The following PIWIL4 variants were observed in gnomAD, a reference collection of about 807,000 sequenced individuals.
PIWIL4 encodes piwi-like protein 4.
Under a neutral mutation model 100.9 loss-of-function variants are expected in PIWIL4, and 50 were observed. The ratio of observed to expected loss-of-function variants is 0.50; its 90% CI spans 0.39 to 0.63. PIWIL4 has a LOEUF of 0.63. Among genes scored for constraint, PIWIL4 ranks in the 20% least tolerant of loss-of-function variants. The pLI is 0.00. For missense variants in PIWIL4, 887 were observed against 1,043.3 expected (o/e 0.85, Z 2.06); for synonymous variants, 342 against 367.5 (o/e 0.93, Z 0.79).
Position 94,602,127 on chromosome 11 carries a change from G to A in PIWIL4, c.1565+148G>A, listed in dbSNP as rs570432386. 2.3e-4 allele frequency: 157 copies of A among 679,840 alleles called. 1 individual carries two copies. The highest frequency in any genetic ancestry group is 3.4e-4 in the Non-Finnish European group (145 of 420,544). The allele number at this position is 679,840 out of a possible 1,614,324, so 42.1% of individuals were successfully genotyped here. A position where few individuals can be genotyped will look rare whatever the true frequency, so the allele number is the denominator to read the frequency against. On this transcript the variant is annotated intron_variant, in intron 12 of 19. Transcript: ENST00000299001. ...AAGTAGTCATAAGTAGATAGATTTT[G>A]TAATGACTAAACTTTTATAAAGTTA... is the stretch of plus-strand genomic sequence containing the variant.
In PIWIL4 at chr11:94,577,339, C is replaced by T; in HGVS notation, c.360C>T (p.Asp120=). ...TCTTTAACTTAGATTTTCCCCAAGA[C>T]TGGCAGCTATACCAGTACCATGTGA... ...TNLFNLDFPQ[D]WQLYQYHVTY... is the part of the protein sequence containing the mutation. Residue 120 remains aspartate, a synonymous_variant, in exon 4 of 20, where the codon GAC becomes GAT. Transcript: ENST00000299001. 1.2e-6 allele frequency: 2 copies of T among 1,614,074 alleles called. No homozygotes were observed. Among genetic ancestry groups the T allele is most frequent in the Non-Finnish European group, 8.5e-7 (1 of 1,179,956 alleles).
chr11:94,597,765 A>G (rs761355781), intron 10 of PIWIL4, 39 bp from the exon 11 acceptor site: 2 of 1,418,244 alleles, frequency 1.4e-6, no homozygotes, highest in African/African-American at 1.4e-5. Flanking sequence ...AGTTATAATT[A>G]TATCTCTCTT....
intron 8 of PIWIL4, among the ~76,000 whole-genome samples, chr11:94,590,684 C>T (rs918880001): frequency 6.6e-6 from 1 of 152,164 alleles, no homozygotes; most frequent in Admixed American, 6.5e-5. Flanking sequence ...TTGCTTTCTT[C>T]CTCTTCTTCA....
At chr11:94,592,303 C>G (rs551087900) in intron 8 of PIWIL4, among the ~76,000 whole-genome samples, 2 of 152,322 alleles carry the variant, frequency 1.3e-5, no homozygotes, top group African/African-American at 4.8e-5. Context: ...TCTCTTTCAT[C>G]AGTTTGTTGT....
intron 15 of PIWIL4, among the ~76,000 whole-genome samples, chr11:94,611,129 A>G (rs1182062980): frequency 6.6e-6 from 1 of 152,066 alleles, no homozygotes; most frequent in Non-Finnish European, 1.5e-5. Flanking sequence ...CCATTTGCGT[A>G]TGTGTCAGTT....
At position 94,575,133 on chromosome 11, in the gene PIWIL4, A is replaced by G; in HGVS notation, c.298+3A>G. The stretch of plus-strand genomic sequence containing the variant: ...ACATGTGAGAAATTGTAAAACAGGT[A>G]CCCAGTTTTATGTCACTTACTTTTT... On this transcript the variant is annotated splice_donor_region_variant and intron_variant, in intron 3 of 19. Coordinates refer to ENST00000299001, the MANE Select transcript of PIWIL4 (RefSeq NM_152431.3). 1 of 1,612,794 alleles carries G rather than the reference A, an allele frequency of 6.2e-7. No homozygotes were observed. The highest frequency in any genetic ancestry group is 8.5e-7 in the Non-Finnish European group (1 of 1,179,652).
At chr11:94,617,132 T>C (rs1948855933) in intron 16 of PIWIL4, among the ~76,000 whole-genome samples, 1 of 152,210 alleles carries the variant, frequency 6.6e-6, no homozygotes, top group Non-Finnish European at 1.5e-5. Flanking sequence ...CATTTTCCCA[T>C]CTGTAAATTT....
chr11:94,602,263 CAT>C (rs1347700876), intron 12 of PIWIL4, among the ~76,000 whole-genome samples: 1 of 152,062 alleles, frequency 6.6e-6, no homozygotes, highest in Non-Finnish European at 1.5e-5. Flanking sequence ...TTAATAAGTC[CAT>C]ATATTGTCTT....
intron 15 of PIWIL4, among the ~76,000 whole-genome samples, chr11:94,610,687 G>GTA (rs1555036246): frequency 6.6e-6 from 1 of 151,970 alleles, no homozygotes; most frequent in Non-Finnish European, 1.5e-5. Flanking sequence ...CTATTGAATT[G>GTA]TATGGGTTCT....
At chr11:94,613,592 G>A (rs1006247126) in intron 15 of PIWIL4, among the ~76,000 whole-genome samples, 1 of 152,068 alleles carries the variant, frequency 6.6e-6, no homozygotes, top group African/African-American at 2.4e-5. Context: ...GCAAATGTTA[G>A]CCCTCTTTAT....
At chr11:94,617,746 T>C (rs1239545504) in intron 16 of PIWIL4, 6 of 507,782 alleles carry the variant, frequency 1.2e-5, no homozygotes, top group South Asian at 3.5e-5. Flanking sequence ...ATAGAAACCA[T>C]TGTGATTCCT....
intron 2 of PIWIL4, among the ~76,000 whole-genome samples, chr11:94,570,389 A>T (rs1000111310): frequency 2.0e-5 from 3 of 151,688 alleles, no homozygotes; most frequent in African/African-American, 7.3e-5. Context: ...TGTTCACATG[A>T]TCTTTCCTTT....
chr11:94,600,770 CA>C lies in PIWIL4; in HGVS notation c.1381-1024del, dbSNP rs1314864729. ...ACAGACCATAAAAGACAGCCACGCC[CA>C]GGGGGGCCAGTTCAGAGACCTACTC... On this transcript the variant is annotated intron_variant, in intron 11 of 19. Transcript: ENST00000299001. Among the ~76,000 whole-genome samples, 4 of 152,006 alleles carry C rather than the reference CA, an allele frequency of 2.6e-5. No homozygotes were observed. The South Asian group carries it at 6.2e-4, about 24-fold the overall frequency.
intron 11 of PIWIL4, among the ~76,000 whole-genome samples, chr11:94,600,356 A>G (rs1314069022): frequency 6.6e-6 from 1 of 152,168 alleles, no homozygotes; most frequent in African/African-American, 2.4e-5. Flanking sequence ...AGAGTACAAA[A>G]TAGAGAAATT....
Position 94,577,400 on chromosome 11 carries a change from A to T in PIWIL4, c.421A>T (p.Ile141Phe). Residue 141 changes from isoleucine to phenylalanine, a missense_variant, in exon 4 of 20, where the codon ATT (isoleucine) becomes TTT (phenylalanine). By Grantham distance (21) the Ile-to-Phe change is conservative. Transcript: ENST00000299001. ...AGATTTAGCATCTAGAAGGCTGAGA[A>T]TTGCTTTACTTTATAGTCATAGTGA... Reference protein sequence around the residue: ...IPDLASRRLRIALLYSHSELS... With the variant: ...IPDLASRRLRFALLYSHSELS... 1 of 1,614,150 alleles carries T rather than the reference A, an allele frequency of 6.2e-7. No homozygotes were observed. The highest frequency in any genetic ancestry group is 8.5e-7 in the Non-Finnish European group (1 of 1,179,990).
At chr11:94,606,205 A>G (rs1483866531) in intron 13 of PIWIL4, among the ~76,000 whole-genome samples, 1 of 152,132 alleles carries the variant, frequency 6.6e-6, no homozygotes, top group East Asian at 1.9e-4. Context: ...CTCGGCTCCC[A>G]TCTTCTCTCA....
At chr11:94,595,596 G>A (rs1314349728) in intron 10 of PIWIL4, among the ~76,000 whole-genome samples, 170 bp downstream of exon 10, 1 of 152,240 alleles carries the variant, frequency 6.6e-6, no homozygotes, top group Non-Finnish European at 1.5e-5. Flanking sequence ...TCAGGACTAA[G>A]GGGTTGAAGG....
chr11:94,583,625 G>C, intron 5 of PIWIL4, 56 bp downstream of exon 5: 1 of 1,600,872 alleles, frequency 6.2e-7, no homozygotes, highest in Non-Finnish European at 8.5e-7. Flanking sequence ...TCAGCATAGA[G>C]CCTGGGTATT....
chr11:94,609,985 C>T (rs942355458), intron 15 of PIWIL4, among the ~76,000 whole-genome samples: 1 of 152,052 alleles, frequency 6.6e-6, no homozygotes. Context: ...GTGTCCAAAA[C>T]ATATTCATCT....
Sources: allele counts gnomAD v4.1 joint callset (sites outside exome capture counted in the v4.1 genomes callset), GRCh38; gene constraint gnomAD v4.1.1; transcripts MANE v1.5; gene names NCBI Gene and HGNC (gene_info 2026-07-23, HGNC 2026-07-21).